TMEM44: variants seen among roughly 807,000 people sequenced by gnomAD.
TMEM44 encodes transmembrane protein 44.
TMEM44 carries 43 observed loss-of-function variants against 47.8 expected under a neutral mutation model. The ratio of observed to expected loss-of-function variants is 0.90; its 90% CI spans 0.70 to 1.16. The LOEUF is 1.16. Ranked by LOEUF, TMEM44 falls within the 50% of genes most tolerant of loss-of-function variation. The probability of loss-of-function intolerance (pLI) is 0.00; values close to 1 mark genes in which losing one functional copy is unlikely to be tolerated. For synonymous variants in TMEM44, 277 were observed against 238.8 expected, an observed-to-expected ratio of 1.16 and a Z score of -1.48; for missense variants, 568 against 555.2, an observed-to-expected ratio of 1.02 and a Z score of -0.23.
intron 8 of TMEM44, among the ~76,000 whole-genome samples, chr3:194,605,807 G>T (rs572614348): frequency 3.9e-5 from 6 of 152,192 alleles, no homozygotes; most frequent in African/African-American, 7.2e-5. Context: ...CCTCCAGTGA[G>T]GGGGTGTCAT....
chr3:194,623,264 A>C lies in TMEM44; in HGVS notation c.572T>G (p.Phe191Cys). The C allele has an allele frequency of 6.2e-7, 1 of 1,611,768 alleles. No homozygotes were observed. Among genetic ancestry groups the C allele is most frequent in the East Asian group, 2.2e-5 (1 of 44,780 alleles). ...LGYLLGSVAAFGSWASRIPPL... is the reference protein window; with the variant it reads ...LGYLLGSVAACGSWASRIPPL... ...GGGGATCCGAGAAGCCCAGGAGCCA[A>C]AGGCAGCAACGCTACCCAGCAGGTA... is the stretch of plus-strand genomic sequence containing the variant. The change falls in exon 5 of 10, where the codon TTT (phenylalanine) becomes TGT (cysteine). Residue 191 changes from phenylalanine to cysteine, a missense_variant. Phe to Cys is a radical substitution (Grantham distance 205, BLOSUM62 -2). Transcript: ENST00000347147.
At chr3:194,617,291 C>A in intron 5 of TMEM44, 22 bp from the exon 6 acceptor site, 1 of 669,768 alleles carries the variant, frequency 1.5e-6, no homozygotes, top group Non-Finnish European at 2.4e-6. Context: ...GAGGGAGGGG[C>A]TGGGCGGGAG....
chr3:194,627,332 A>C (rs1237473776), intron 2 of TMEM44, among the ~76,000 whole-genome samples: 2 of 152,170 alleles, frequency 1.3e-5, no homozygotes, highest in African/African-American at 4.8e-5. Flanking sequence ...GCCTTCCTTC[A>C]TTTCTACCTG....
At chr3:194,631,113 T>A (rs1335490132) in intron 1 of TMEM44, among the ~76,000 whole-genome samples, 1 of 147,770 alleles carries the variant, frequency 6.8e-6, no homozygotes, top group East Asian at 2.0e-4. Flanking sequence ...TCTATTGGCG[T>A]CACCGATAGG....
intron 8 of TMEM44, among the ~76,000 whole-genome samples, chr3:194,609,799 C>A (rs1383346404): frequency 2.0e-5 from 3 of 152,124 alleles, no homozygotes; most frequent in Non-Finnish European, 4.4e-5. Context: ...GGGCTTCCAA[C>A]TGGCCCTGAC....
At chr3:194,597,656 A>C (rs1398885671) in intron 9 of TMEM44, among the ~76,000 whole-genome samples, 2 of 151,730 alleles carry the variant, frequency 1.3e-5, no homozygotes, top group Non-Finnish European at 2.9e-5. Context: ...TCTCAAAAAA[A>C]AAAAAAAAAG....
intron 9 of TMEM44, among the ~76,000 whole-genome samples, chr3:194,596,652 G>A (rs186035929): frequency 1.1e-4 from 17 of 152,222 alleles, no homozygotes; most frequent in Admixed American, 1.3e-4. Context: ...TTAGCCAGGC[G>A]TGGTGGCGCA....
chr3:194,621,227 A>G (rs1716502552), intron 5 of TMEM44, among the ~76,000 whole-genome samples: 2 of 152,118 alleles, frequency 1.3e-5, no homozygotes, highest in South Asian at 4.1e-4. Context: ...GGTTACCACA[A>G]GCCAAGGGGC....
At chr3:194,626,087 T>C (rs1261950823) in intron 2 of TMEM44, 97 bp from the exon 3 acceptor site, 2 of 905,428 alleles carry the variant, frequency 2.2e-6, no homozygotes, top group African/African-American at 3.3e-5. Context: ...TGGGTTACAC[T>C]GATGCGGTGC....
intron 9 of TMEM44, among the ~76,000 whole-genome samples, chr3:194,594,122 TCTATCTATCTA>T (rs1713089079): frequency 1.9e-5 from 2 of 103,998 alleles, no homozygotes; most frequent in Non-Finnish European, 4.0e-5. Flanking sequence ...TAATTTTCTA[TCTATCTATCTA>T]TCTATCTATC....
chr3:194,629,342 C>A (rs931483795), intron 1 of TMEM44, among the ~76,000 whole-genome samples: 1 of 152,224 alleles, frequency 6.6e-6, no homozygotes, highest in East Asian at 1.9e-4. Context: ...AACACAGAGC[C>A]CTTTTGGCAC....
At chr3:194,597,110 G>GCGTGCACACACCCACATGCACACA (rs138904837) in intron 9 of TMEM44, 4 of 152,122 alleles carry the variant, frequency 2.6e-5, no homozygotes, top group Admixed American at 1.3e-4. Flanking sequence ...ACATGCACAC[G>GCGTGCACACACCCACATGCACACA]CACACCCACA....
At position 194,633,043 on chromosome 3, in the gene TMEM44, C is replaced by CCGCCCGACAG. The variant is rs1553842571; in HGVS notation, c.137+35_137+36insCTGTCGGGCG. On this transcript the variant is annotated intron_variant, in intron 1 of 9. Transcript: ENST00000347147. ...GCAGCAGGGGATTGGCGCCCGTTTC[C>CCGCCCGACAG]CCGCCCGACAGCCCCCCGACCCGTG... The CCGCCCGACAG allele has an allele frequency of 3.9e-6, 6 of 1,536,386 alleles. No homozygotes were observed. The African/African-American group carries it at 8.3e-5, about 21-fold the overall frequency.
In TMEM44 at chr3:194,611,476, G is replaced by A. The variant is rs1182711391; in HGVS notation, c.913-456C>T. ...GCTGTGATCCAGGCACTGCATTCCA[G>A]CCTAGGGGACAGAGTGAGACCCTGT... On this transcript the variant is annotated intron_variant, in intron 7 of 9. Coordinates refer to ENST00000347147, the MANE Select transcript of TMEM44 (RefSeq NM_001011655.3). This position sits in a 1 kb window ranked among gnomAD's most constrained non-coding sequence, Gnocchi z 4.2. 6.6e-6 allele frequency among the ~76,000 whole-genome samples: 1 copy of A among 152,164 alleles called. No homozygotes were observed. The highest frequency in any genetic ancestry group is 2.4e-5 in the African/African-American group (1 of 41,442).
In TMEM44 at chr3:194,611,145, C is replaced by G. The variant is rs931106270; in HGVS notation, c.913-125G>C. 1.7e-5 allele frequency: 13 copies of G among 743,332 alleles called. No individual in the cohort carries two copies. The highest frequency in any genetic ancestry group is 1.6e-4 in the African/African-American group (9 of 57,332). 46.0% of individuals were successfully genotyped at this position (743,332 alleles called of 1,614,324 possible). ...ATTTTCTCTCTCTCTTTTTTAACGG[C>G]ACGTCTCACTTTCTGCTTCCTATAA... On this transcript the variant is annotated intron_variant, in intron 7 of 9. Transcript: ENST00000347147. This position sits in a 1 kb window ranked among gnomAD's most constrained non-coding sequence, Gnocchi z 4.2.
At chr3:194,629,075 A>AATT (rs1046107622) in intron 1 of TMEM44, among the ~76,000 whole-genome samples, 1 of 152,018 alleles carries the variant, frequency 6.6e-6, no homozygotes, top group African/African-American at 2.4e-5. Flanking sequence ...GAGGCAAGAG[A>AATT]ATTGCTTGAA....
chr3:194,593,088 G>A (rs773934201), intron 9 of TMEM44: 3 of 1,613,188 alleles, frequency 1.9e-6, no homozygotes, highest in Middle Eastern at 1.6e-4. Context: ...AGAATAAAAA[G>A]AGAGACAGAA....
intron 1 of TMEM44, among the ~76,000 whole-genome samples, chr3:194,629,637 G>A (rs146673447): frequency 5.1e-5 from 7 of 138,278 alleles, no homozygotes; most frequent in East Asian, 2.4e-4. Flanking sequence ...TCTGAAACAC[G>A]TTGTCGTACC....
chr3:194,588,225 ATG>A lies in TMEM44; in HGVS notation c.*302_*303del. The A allele has an allele frequency of 3.1e-6, 1 of 322,074 alleles. No individual in the cohort carries two copies. The allele number at this position is 322,074 out of a possible 1,614,324, so 20.0% of individuals were successfully genotyped here. ...CCGTTCATGGCTGACTCTCAAGGGA[ATG>A]AAGGGAAAAGGAAGAGCGGGTCTGA... On this transcript the variant is annotated 3_prime_UTR_variant, in exon 10 of 10. Transcript: ENST00000347147.
Sources: allele counts gnomAD v4.1 joint callset (sites outside exome capture counted in the v4.1 genomes callset), GRCh38; gene constraint gnomAD v4.1.1; non-coding constraint Gnocchi (gnomAD v3.1); transcripts MANE v1.5; gene names NCBI Gene and HGNC (gene_info 2026-07-23, HGNC 2026-07-21).